The following PLXNA2 variants were observed in gnomAD, a reference collection of about 807,000 sequenced individuals.
PLXNA2 encodes the protein plexin-A2.
A neutral mutation model predicts 193.5 loss-of-function variants in PLXNA2; 91 were observed. The ratio of observed to expected loss-of-function variants is 0.47; its 90% CI spans 0.40 to 0.56. The LOEUF (loss-of-function observed/expected upper bound fraction) is 0.56. Ranked by LOEUF, PLXNA2 falls within the 20% of genes least tolerant of loss-of-function variation. The pLI, the probability that PLXNA2 is intolerant of heterozygous loss-of-function variation, is 0.00. For missense variants in PLXNA2, 1,995 were observed against 2,503.2 expected, an observed-to-expected ratio of 0.80 and a Z score of 4.33; for synonymous variants, 997 against 1,027.3, an observed-to-expected ratio of 0.97 and a Z score of 0.56.
In PLXNA2 at chr1:208,120,510, T is replaced by G. The variant is rs897493518; in HGVS notation, c.1507-17263A>C. Among the ~76,000 whole-genome samples, 3 of 152,182 alleles carry G rather than the reference T, an allele frequency of 2.0e-5. No homozygotes were observed. In the East Asian group the frequency reaches 5.8e-4, roughly 29 times the overall value. ...AGGCCCTGAGACAAGAAGATTGAAC[T>G]CTCTGAGACTCCCTTTCAGGACTAC... On this transcript the variant is annotated intron_variant, in intron 4 of 31. Coordinates refer to ENST00000367033, the MANE Select transcript of PLXNA2 (RefSeq NM_025179.4).
Position 208,152,712 on chromosome 1 carries a change from CACACA to C in PLXNA2, c.1372-10254_1372-10250del, listed in dbSNP as rs1558218249. On this transcript the variant is annotated intron_variant, in intron 3 of 31. Coordinates refer to ENST00000367033, the MANE Select transcript of PLXNA2 (RefSeq NM_025179.4). ...ACACACACACACACACACACACACA[CACACA>C]CCACCTTCAATTGTCCCCTTTAATA... is the stretch of plus-strand genomic sequence containing the variant. 4.9e-3 allele frequency among the ~76,000 whole-genome samples: 745 copies of C among 151,974 alleles called. 6 individuals are homozygous for C. Among genetic ancestry groups the C allele is most frequent in the African/African-American group, 0.018 (733 of 41,418 alleles).
At chr1:208,166,907 T>G (rs17259394) in intron 3 of PLXNA2, among the ~76,000 whole-genome samples, 4,470 of 152,288 alleles carry the variant, frequency 0.029, 92 homozygotes, top group Middle Eastern at 0.051. Flanking sequence ...CTCCAAACCA[T>G]GAAGCTCTCA....
rs998523318 is a variant in PLXNA2 at position 208,155,584 on chromosome 1, T to C, written c.1372-13121A>G. Reference sequence around the variant, plus strand: ...CTCATAGCTTTTGACAATTTGGCAGTAAGTTGGAAAGTACCAGAGAAACTG... The same window carrying C: ...CTCATAGCTTTTGACAATTTGGCAGCAAGTTGGAAAGTACCAGAGAAACTG... On this transcript the variant is annotated intron_variant, in intron 3 of 31. Transcript: ENST00000367033. Among the ~76,000 whole-genome samples the C allele has an allele frequency of 5.3e-5, 8 of 152,220 alleles. No individual in the cohort carries two copies. The South Asian group carries it at 1.0e-3, about 20-fold the overall frequency.
intron 1 of PLXNA2, among the ~76,000 whole-genome samples, chr1:208,225,564 C>T (rs749131555): frequency 3.3e-5 from 5 of 152,318 alleles, no homozygotes; most frequent in East Asian, 3.9e-4. Flanking sequence ...CCTCTAGCCT[C>T]GGCCTCCCAA....
intron 3 of PLXNA2, among the ~76,000 whole-genome samples, chr1:208,191,496 T>TA (rs1428822300): frequency 1.3e-5 from 2 of 152,166 alleles, no homozygotes; most frequent in African/African-American, 4.8e-5. Context: ...CATACAACAA[T>TA]AATATTACTG....
rs1025926957 is a variant in PLXNA2 at position 208,032,095 on chromosome 1, G to T, written c.5056-336C>A. On this transcript the variant is annotated intron_variant, in intron 28 of 31. Coordinates refer to ENST00000367033, the MANE Select transcript of PLXNA2 (RefSeq NM_025179.4). The stretch of plus-strand genomic sequence containing the variant: ...GTGAATGAGGGGGCACAGGCTGCAA[G>T]CCAGTCCGGAAACAGTGTCCGAGGA... The T allele has an allele frequency of 5.1e-6, 5 of 985,284 alleles. No individual in the cohort carries two copies. In the African/African-American group the frequency reaches 8.7e-5, roughly 17 times the overall value. The allele number at this position is 985,284 out of a possible 1,614,324, so 61.0% of individuals were successfully genotyped here. A position where few individuals can be genotyped will look rare whatever the true frequency, so the allele number is the denominator to read the frequency against.
chr1:208,078,238 T>C (rs1210866988), intron 12 of PLXNA2, among the ~76,000 whole-genome samples: 1 of 152,208 alleles, frequency 6.6e-6, no homozygotes, highest in African/African-American at 2.4e-5. Flanking sequence ...ATAAATAATT[T>C]CTACCTCTTC....
chr1:208,092,903 G>A lies in PLXNA2; in HGVS notation c.1983-3C>T, dbSNP rs779805366. 1 of 1,606,264 alleles carries A rather than the reference G, an allele frequency of 6.2e-7. No individual in the cohort carries two copies. The highest frequency in any genetic ancestry group is 8.5e-7 in the Non-Finnish European group (1 of 1,173,094). On this transcript the variant is annotated splice_polypyrimidine_tract_variant and splice_region_variant and intron_variant, in intron 8 of 31. Transcript: ENST00000367033. ...CGCTGTTGACACAGGACAGGCACCT[G>A]CAAGGACAGAGATGGTGAGAGGCAA...
At chr1:208,155,150 T>A (rs182833717) in intron 3 of PLXNA2, among the ~76,000 whole-genome samples, 34 of 152,246 alleles carry the variant, frequency 2.2e-4, no homozygotes, top group African/African-American at 7.7e-4. Context: ...CCTTGCATAG[T>A]GGCCGTTCCA....
At chr1:208,239,223 G>C (rs1671968213) in intron 1 of PLXNA2, among the ~76,000 whole-genome samples, 1 of 151,572 alleles carries the variant, frequency 6.6e-6, no homozygotes, top group Non-Finnish European at 1.5e-5. Flanking sequence ...CCCTCTAGTG[G>C]AGATAACCTG....
intron 3 of PLXNA2, among the ~76,000 whole-genome samples, chr1:208,186,708 ATTTTATTT>A (rs1670010987): frequency 9.0e-6 from 1 of 111,698 alleles, no homozygotes; most frequent in Admixed American, 1.0e-4. Context: ...TTGCAATGTT[ATTTTATTT>A]TTTTTTTTTT....
Position 208,027,008 on chromosome 1 carries a change from G to T in PLXNA2, c.*235C>A. 4.6e-6 allele frequency: 2 copies of T among 433,648 alleles called. No homozygotes were observed. The highest frequency in any genetic ancestry group is 4.2e-6 in the Non-Finnish European group (1 of 239,876). The allele number at this position is 433,648 out of a possible 1,614,324, so 26.9% of individuals were successfully genotyped here. Reference sequence around the variant, plus strand: ...TGAAGAACCACCTTCTCCCGGCCCCGGGTTCTCTGGTGTTCTCACTGAGGA... The same window carrying T: ...TGAAGAACCACCTTCTCCCGGCCCCTGGTTCTCTGGTGTTCTCACTGAGGA... On this transcript the variant is annotated 3_prime_UTR_variant, in exon 32 of 32. Coordinates refer to ENST00000367033, the MANE Select transcript of PLXNA2 (RefSeq NM_025179.4).
At chr1:208,206,052 GT>G (rs2102591449) in intron 3 of PLXNA2, among the ~76,000 whole-genome samples, 1 of 152,230 alleles carries the variant, frequency 6.6e-6, no homozygotes, top group Non-Finnish European at 1.5e-5. Flanking sequence ...ACCTCATAGA[GT>G]TATATAAAGA....
intron 18 of PLXNA2, 59 bp downstream of exon 18, chr1:208,045,819 A>C (rs1536471): frequency 0.81 from 1,287,944 of 1,598,536 alleles, 520,396 homozygotes; most frequent in Middle Eastern, 0.87. Flanking sequence ...GCCAGGAGCG[A>C]GGGGCGCCCT....
At chr1:208,072,902 G>A (rs1666019475) in intron 12 of PLXNA2, among the ~76,000 whole-genome samples, 1 of 152,160 alleles carries the variant, frequency 6.6e-6, no homozygotes, top group Non-Finnish European at 1.5e-5. Flanking sequence ...CCTGCACGCA[G>A]AGACATTTTA....
chr1:208,027,318 C>A lies in PLXNA2; in HGVS notation c.5610G>T (p.Gln1870His). ...GCCGCTGCCGCCGTGCCTGCTCATC[C>A]TGCTCTAGGGCCCCGATGAGCTGAG... ...YSEELIGALEQDEQARRQRLA... is the reference protein window; with the variant it reads ...YSEELIGALEHDEQARRQRLA... Residue 1870 changes from glutamine to histidine, a missense_variant, in exon 32 of 32, where the codon CAG (glutamine) becomes CAT (histidine). Coordinates refer to ENST00000367033, the MANE Select transcript of PLXNA2 (RefSeq NM_025179.4). The A allele has an allele frequency of 6.2e-7, 1 of 1,613,312 alleles. No individual in the cohort carries two copies.
intron 1 of PLXNA2, among the ~76,000 whole-genome samples, chr1:208,231,913 A>G (rs1046902912): frequency 2.0e-5 from 3 of 152,216 alleles, no homozygotes; most frequent in Non-Finnish European, 2.9e-5. Flanking sequence ...ACTCAAGAGG[A>G]TACTCTCTGC....
At chr1:208,152,929 C>A (rs11118992) in intron 3 of PLXNA2, among the ~76,000 whole-genome samples, 5,208 of 152,190 alleles carry the variant, frequency 0.034, 154 homozygotes, top group Middle Eastern at 0.082. Flanking sequence ...ACGAAGCCTG[C>A]ACCAATCTTT....
At chr1:208,095,583 C>CCTG (rs1268975982) in intron 8 of PLXNA2, among the ~76,000 whole-genome samples, 2 of 152,144 alleles carry the variant, frequency 1.3e-5, no homozygotes, top group Admixed American at 6.5e-5. Context: ...TTCCCCCTTC[C>CCTG]CTGCTCCTCC....
Sources: gnomAD v4.1 joint callset for allele counts (sites outside exome capture counted in the v4.1 genomes callset) on GRCh38, gnomAD v4.1.1 for gene constraint, MANE v1.5 for transcripts, NCBI Gene and HGNC (gene_info 2026-07-23, HGNC 2026-07-21) for gene names.